Variants in ARMC2 observed in about 807,000 individuals in gnomAD.
The protein encoded by ARMC2 is armadillo repeat-containing protein 2.
A neutral mutation model predicts 90.3 loss-of-function variants in ARMC2; 67 were observed. The ratio of observed to expected loss-of-function variants is 0.74; its 90% CI spans 0.61 to 0.91. The LOEUF (loss-of-function observed/expected upper bound fraction) is 0.91, where lower values mean the gene tolerates loss of function less well. ARMC2 is among the 40% of genes least tolerant of loss of function. The pLI is 0.00. For missense variants in ARMC2, 920 were observed against 1,030.9 expected, an observed-to-expected ratio of 0.89 and a Z score of 1.47; for synonymous variants, 393 against 393.0, an observed-to-expected ratio of 1.00 and a Z score of 0.00.
chr6:108,953,046 GTGT>G lies in ARMC2; in HGVS notation c.1615_1617del (p.Val539del), dbSNP rs1562423286. On this transcript the variant is annotated inframe_deletion, in exon 13 of 18. Transcript: ENST00000392644. ...CGTTTATTGCAGGATTTAGTCGTCCGTGTTGTTTTTATTCTTGGCAACCTGACG... is the reference window on the plus strand; with the variant it reads ...CGTTTATTGCAGGATTTAGTCGTCCGTGTTTTTATTCTTGGCAACCTGACG... 1 of 1,610,118 alleles carries G rather than the reference GTGT, an allele frequency of 6.2e-7. No homozygotes were observed. The highest frequency in any genetic ancestry group is 2.2e-5 in the East Asian group (1 of 44,840).
chr6:109,002,924 CTTAAA>C, the ARMC2 span, among the ~76,000 whole-genome samples: 6 of 152,098 alleles, frequency 3.9e-5, no homozygotes, highest in South Asian at 2.1e-4. Flanking sequence ...GTAAGTTTGC[CTTAAA>C]TTAAGTTTTT....
downstream of ARMC2, among the ~76,000 whole-genome samples, chr6:108,978,260 A>C (rs941340664): frequency 3.3e-5 from 5 of 152,178 alleles, no homozygotes; most frequent in South Asian, 2.1e-4. Flanking sequence ...TTATTTACCC[A>C]GTAGTCATTC....
At chr6:108,849,209 A>C (rs988500614) in intron 1 of ARMC2, among the ~76,000 whole-genome samples, 1 of 152,220 alleles carries the variant, frequency 6.6e-6, no homozygotes, top group Admixed American at 6.5e-5. Flanking sequence ...GTAACACAAC[A>C]GATCTTACGT....
chr6:109,043,227 T>C, the ARMC2 span, among the ~76,000 whole-genome samples: 1 of 152,174 alleles, frequency 6.6e-6, no homozygotes, highest in Non-Finnish European at 1.5e-5. Flanking sequence ...AACCTACAGC[T>C]GTTTTTATAC....
chr6:108,961,419 G>A (rs984103892), intron 13 of ARMC2, among the ~76,000 whole-genome samples, 153 bp from the exon 14 acceptor site: 10 of 152,218 alleles, frequency 6.6e-5, no homozygotes, highest in African/African-American at 2.4e-4. Flanking sequence ...AGGAGTCGGG[G>A]GAAATCAAGT....
intron 3 of ARMC2, among the ~76,000 whole-genome samples, chr6:108,866,905 C>T (rs1775875566): frequency 6.6e-6 from 1 of 151,902 alleles, no homozygotes; most frequent in African/African-American, 2.4e-5. Flanking sequence ...AAATGAACAA[C>T]TTCTTGGAAG....
the ARMC2 span, among the ~76,000 whole-genome samples, chr6:109,007,165 A>C: frequency 1.3e-5 from 2 of 152,216 alleles, no homozygotes; most frequent in African/African-American, 4.8e-5. Flanking sequence ...GTATAATGCA[A>C]AACACTAATT....
chr6:108,987,064 T>G, the ARMC2 span: 4 of 153,094 alleles, frequency 2.6e-5, no homozygotes, highest in African/African-American at 7.2e-5. Context: ...TAGGCTCAGA[T>G]AGTAGCAATG....
At chr6:108,959,327 A>T (rs941118833) in intron 13 of ARMC2, 1 of 152,252 alleles carries the variant, frequency 6.6e-6, no homozygotes, top group African/African-American at 2.4e-5. Flanking sequence ...AAGTTGGAGA[A>T]TTCAAGAACA....
chr6:108,894,604 C>A, intron 6 of ARMC2, 61 bp downstream of exon 6: 1 of 1,421,100 alleles, frequency 7.0e-7, no homozygotes. Flanking sequence ...GATGTTTGCA[C>A]TGAAGATATC....
chr6:108,938,599 CTTTTTTTTT>C (rs4027582), intron 12 of ARMC2, among the ~76,000 whole-genome samples: 6 of 83,104 alleles, frequency 7.2e-5, no homozygotes, highest in Admixed American at 6.8e-4. Flanking sequence ...CCATTACTAC[CTTTTTTTTT>C]TTTTTTTTTG....
At position 108,927,252 on chromosome 6, in the gene ARMC2, G is replaced by A. The variant is rs901161483; in HGVS notation, c.1351-836G>A. On this transcript the variant is annotated intron_variant, in intron 10 of 17. Transcript: ENST00000392644. ...CCTGGGCACTTCACTAGGAAGAGAT[G>A]ATGGCAGCGATGCCATTCACACATC... Among the ~76,000 whole-genome samples the A allele has an allele frequency of 1.4e-4, 22 of 152,274 alleles. 1 individual carries two copies. The highest frequency in any genetic ancestry group is 5.1e-4 in the African/African-American group (21 of 41,576).
intron 12 of ARMC2, among the ~76,000 whole-genome samples, chr6:108,940,049 A>T (rs1776306541): frequency 6.6e-6 from 1 of 152,002 alleles, no homozygotes; most frequent in Non-Finnish European, 1.5e-5. Context: ...ATTGGTTGCT[A>T]CCTCCACCTT....
chr6:108,917,695 T>G (rs1583108971), intron 10 of ARMC2, among the ~76,000 whole-genome samples: 1 of 152,196 alleles, frequency 6.6e-6, no homozygotes, highest in African/African-American at 2.4e-5. Flanking sequence ...TCGCCCAGGC[T>G]GGAATGCAGT....
the ARMC2 span, chr6:108,998,649 C>G: frequency 1.9e-6 from 3 of 1,613,902 alleles, no homozygotes; most frequent in East Asian, 2.2e-5. Context: ...TGGACTGATT[C>G]CACAGCCGAA....
chr6:108,919,940 C>T (rs1183263674), intron 10 of ARMC2, among the ~76,000 whole-genome samples: 1 of 152,154 alleles, frequency 6.6e-6, no homozygotes, highest in Non-Finnish European at 1.5e-5. Context: ...TATAAATTCA[C>T]AAGATGTTGC....
chr6:108,890,771 A>T (rs974194048), intron 5 of ARMC2, among the ~76,000 whole-genome samples: 11 of 152,122 alleles, frequency 7.2e-5, no homozygotes, highest in African/African-American at 1.9e-4. Context: ...TTACTTTTTT[A>T]AAATTATATT....
At chr6:109,046,508 G>A in the ARMC2 span, among the ~76,000 whole-genome samples, 14 of 147,236 alleles carry the variant, frequency 9.5e-5, no homozygotes, top group African/African-American at 2.5e-4. Flanking sequence ...CCGCCACCCC[G>A]TCTGGGAAGT....
intron 2 of ARMC2, 56 bp from the exon 3 acceptor site, chr6:108,858,143 A>T: frequency 7.1e-7 from 1 of 1,408,318 alleles, no homozygotes; most frequent in South Asian, 1.2e-5. Context: ...AATATATACT[A>T]TAAATAAAGA....
Sources: allele counts gnomAD v4.1 joint callset (sites outside exome capture counted in the v4.1 genomes callset), GRCh38; gene constraint gnomAD v4.1.1; transcripts MANE v1.5; gene names NCBI Gene and HGNC (gene_info 2026-07-23, HGNC 2026-07-21).